Variants in NIM1K observed in about 807,000 individuals in gnomAD.
NIM1K encodes NIM1 serine/threonine protein kinase, also known as serine/threonine-protein kinase NIM1.
NIM1K carries 35 observed loss-of-function variants against 37.1 expected under a neutral mutation model. That is an observed-to-expected ratio of 0.94 (90% CI 0.72 to 1.25). The LOEUF is 1.25. NIM1K is among the 50% of genes most tolerant of loss of function. The pLI is 0.00. For synonymous variants in NIM1K, 234 were observed against 206.6 expected, an observed-to-expected ratio of 1.13 and a Z score of -1.14; for missense variants, 564 against 548.0, an observed-to-expected ratio of 1.03 and a Z score of -0.29.
Position 43,280,071 on chromosome 5 carries a change from G to A in NIM1K, c.653G>A (p.Ser218Asn). 6.2e-7 allele frequency: 1 copy of A among 1,614,150 alleles called. No individual in the cohort carries two copies. The highest frequency in any genetic ancestry group is 8.5e-7 in the Non-Finnish European group (1 of 1,180,024). The change falls in exon 4 of 4, where the codon AGC becomes AAC. Residue 218 changes from serine to asparagine, a missense_variant. Ser to Asn is a conservative substitution (Grantham distance 46). Coordinates refer to ENST00000326035, the MANE Select transcript of NIM1K (RefSeq NM_153361.4). ...GTGAAGGTGGGCGATTTTGGATTCA[G>A]CACAGTAAGCAAAAAAGGTGAAATG... is the stretch of plus-strand genomic sequence containing the variant. ...TCVKVGDFGF[S>N]TVSKKGEMLN... is the part of the protein sequence containing the mutation.
At chr5:43,267,156 A>G (rs138584866) in intron 2 of NIM1K, among the ~76,000 whole-genome samples, 5 of 152,326 alleles carry the variant, frequency 3.3e-5, no homozygotes, top group African/African-American at 1.2e-4. Context: ...TGGTCTGCTC[A>G]GGATTTCTAT....
intron 2 of NIM1K, among the ~76,000 whole-genome samples, chr5:43,259,700 C>T (rs1752999525): frequency 6.6e-6 from 1 of 152,032 alleles, no homozygotes; most frequent in African/African-American, 2.4e-5. Flanking sequence ...TTGTCAGATA[C>T]ATAGTTTGCA....
At chr5:43,226,793 A>C (rs1752462828) in intron 1 of NIM1K, among the ~76,000 whole-genome samples, 1 of 152,208 alleles carries the variant, frequency 6.6e-6, no homozygotes, top group South Asian at 2.1e-4. Flanking sequence ...ACTCACACAA[A>C]TGAGCTAGAA....
chr5:43,274,455 C>T (rs1561095841), intron 2 of NIM1K, among the ~76,000 whole-genome samples: 1 of 152,144 alleles, frequency 6.6e-6, no homozygotes, highest in African/African-American at 2.4e-5. Context: ...GGGTGGAATT[C>T]ATTAATCTAG....
rs557632964 is a variant in NIM1K at position 43,280,444 on chromosome 5, A to G, written c.1026A>G (p.Lys342=). 1 of 1,614,192 alleles carries G rather than the reference A, an allele frequency of 6.2e-7. No individual in the cohort carries two copies. The highest frequency in any genetic ancestry group is 1.1e-5 in the South Asian group (1 of 91,082). The part of the protein sequence containing the change: ...TPLEPFQLDP[K]HLSETSTLKE... ...TGGAACCTTTCCAACTGGATCCCAA[A>G]CATTTGTCGGAAACCAGCACTCTCA... The change falls in exon 4 of 4, where the codon AAA becomes AAG. Residue 342 remains lysine, a synonymous_variant. Coordinates refer to ENST00000326035, the MANE Select transcript of NIM1K (RefSeq NM_153361.4).
chr5:43,200,043 C>G (rs899399086), intron 1 of NIM1K, among the ~76,000 whole-genome samples: 3 of 152,014 alleles, frequency 2.0e-5, no homozygotes, highest in African/African-American at 7.2e-5. Flanking sequence ...GCATGCTCAG[C>G]TAATTTTGTA....
chr5:43,250,657 C>A (rs1021302381), intron 2 of NIM1K, among the ~76,000 whole-genome samples: 1 of 152,022 alleles, frequency 6.6e-6, no homozygotes, highest in Non-Finnish European at 1.5e-5. Context: ...ACACATAGAG[C>A]GATGAAAGGC....
chr5:43,256,885 A>G (rs1001475112), intron 2 of NIM1K, among the ~76,000 whole-genome samples: 2 of 152,128 alleles, frequency 1.3e-5, no homozygotes, highest in Non-Finnish European at 2.9e-5. Context: ...TCACTTCCCC[A>G]TTCTTCTACT....
chr5:43,239,503 G>T (rs1018985206), intron 1 of NIM1K, among the ~76,000 whole-genome samples: 1 of 149,490 alleles, frequency 6.7e-6, no homozygotes, highest in Non-Finnish European at 1.5e-5. Context: ...CTCCCAAAGT[G>T]TTGGGATTAT....
At chr5:43,219,867 C>G (rs1286140288) in intron 1 of NIM1K, among the ~76,000 whole-genome samples, 1 of 151,934 alleles carries the variant, frequency 6.6e-6, no homozygotes, top group Non-Finnish European at 1.5e-5. Context: ...GCTGGGACTA[C>G]AGGCGTGTGC....
chr5:43,199,204 A>AAAAAAAAAAAT (rs1200134957), intron 1 of NIM1K, among the ~76,000 whole-genome samples: 7 of 94,066 alleles, frequency 7.4e-5, no homozygotes, highest in Non-Finnish European at 1.4e-4. Flanking sequence ...AAAAAAAAAA[A>AAAAAAAAAAAT]ATATATATAT....
chr5:43,243,983 G>A (rs7730512), intron 1 of NIM1K, among the ~76,000 whole-genome samples: 149,282 of 152,296 alleles, frequency 0.98, 73,230 homozygotes, highest in Middle Eastern at 1. Context: ...TTTTAAGCCT[G>A]TGTTCATCAT....
chr5:43,261,072 C>A (rs552764806), intron 2 of NIM1K, among the ~76,000 whole-genome samples: 2 of 152,110 alleles, frequency 1.3e-5, no homozygotes, highest in Non-Finnish European at 2.9e-5. Flanking sequence ...AATAAACATA[C>A]GTGTGCATGT....
chr5:43,216,176 A>G (rs1314391232), intron 1 of NIM1K, among the ~76,000 whole-genome samples: 3 of 152,016 alleles, frequency 2.0e-5, no homozygotes, highest in African/African-American at 7.3e-5. Context: ...ATTGTTTTGT[A>G]TGGACTAAAT....
Position 43,245,501 on chromosome 5 carries a change from A to T in NIM1K, c.-275A>T. On this transcript the variant is annotated 5_prime_UTR_variant, in exon 2 of 4. Transcript: ENST00000326035. ...CCAGTGGGTATGTAACATGTGCCTAATTGTACAGCTAGAGCCTGCAAGTTC... is the reference window on the plus strand; with the variant it reads ...CCAGTGGGTATGTAACATGTGCCTATTTGTACAGCTAGAGCCTGCAAGTTC... 1 of 345,828 alleles carries T rather than the reference A, an allele frequency of 2.9e-6. No individual in the cohort carries two copies. The highest frequency in any genetic ancestry group is 4.7e-5 in the East Asian group (1 of 21,184). The allele number at this position is 345,828 out of a possible 1,614,324, so 21.4% of individuals were successfully genotyped here.
chr5:43,277,404 C>CTGGG, intron 3 of NIM1K, 79 bp downstream of exon 3: 1 of 1,464,896 alleles, frequency 6.8e-7, no homozygotes, highest in Non-Finnish European at 9.2e-7. Context: ...TACTAACCCT[C>CTGGG]AAGTGTCCCA....
intron 1 of NIM1K, chr5:43,207,105 T>C (rs1752125365): frequency 1.4e-6 from 1 of 718,918 alleles, no homozygotes; most frequent in Admixed American, 1.9e-5. Flanking sequence ...TAGATTGAGG[T>C]GGTGTATGAT....
At chr5:43,233,343 G>C (rs1219568266) in intron 1 of NIM1K, among the ~76,000 whole-genome samples, 1 of 150,220 alleles carries the variant, frequency 6.7e-6, no homozygotes, top group Non-Finnish European at 1.5e-5. Flanking sequence ...CCTTCCTCTT[G>C]TCCCTAACAA....
chr5:43,212,885 A>C (rs1383988714), intron 1 of NIM1K, among the ~76,000 whole-genome samples: 3 of 152,214 alleles, frequency 2.0e-5, no homozygotes, highest in African/African-American at 7.2e-5. Context: ...AGAGCAAACA[A>C]AAGCAAATTT....
Sources: allele counts gnomAD v4.1 joint callset (sites outside exome capture counted in the v4.1 genomes callset), GRCh38; gene constraint gnomAD v4.1.1; transcripts MANE v1.5; gene names NCBI Gene and HGNC (gene_info 2026-07-23, HGNC 2026-07-21).